Variants in DYNC2H1 observed in about 807,000 individuals in gnomAD.
DYNC2H1 encodes dynein cytoplasmic 2 heavy chain 1, also known as cytoplasmic dynein 2 heavy chain 1.
Under a neutral mutation model 570.0 loss-of-function variants are expected in DYNC2H1, and 410 were observed. The ratio of observed to expected loss-of-function variants is 0.72; its 90% confidence interval spans 0.66 to 0.78. The LOEUF (loss-of-function observed/expected upper bound fraction) is 0.78. Among genes scored for constraint, DYNC2H1 ranks in the 30% least tolerant of loss-of-function variants. The probability of loss-of-function intolerance (pLI) is 0.00; values close to 1 mark genes in which losing one functional copy is unlikely to be tolerated. For synonymous variants in DYNC2H1, 1,688 were observed against 1,677.6 expected (o/e 1.01, Z -0.15); for missense variants, 4,865 against 5,046.4 (o/e 0.96, Z 1.09).
At chr11:103,469,416 A>C (rs1455154120) in intron 88 of DYNC2H1, among the ~76,000 whole-genome samples, 4 of 152,198 alleles carry the variant, frequency 2.6e-5, no homozygotes, top group Admixed American at 6.5e-5. Flanking sequence ...ATAAACTTTA[A>C]AGTTCTGATT....
chr11:103,164,428 A>G (rs1861216877), intron 30 of DYNC2H1, among the ~76,000 whole-genome samples: 1 of 152,196 alleles, frequency 6.6e-6, no homozygotes, highest in Non-Finnish European at 1.5e-5. Context: ...TCTCAAGAGT[A>G]TTTACATAAG....
intron 70 of DYNC2H1, among the ~76,000 whole-genome samples, chr11:103,269,658 T>C (rs1865627506): frequency 6.6e-6 from 1 of 152,222 alleles, no homozygotes; most frequent in Non-Finnish European, 1.5e-5. Context: ...TCAGTTTATA[T>C]TATTAGCTAT....
At position 103,228,538 on chromosome 11, in the gene DYNC2H1, T is replaced by C. The variant is rs1390715306; in HGVS notation, c.9354-2722T>C. Among the ~76,000 whole-genome samples the C allele has an allele frequency of 6.6e-6, 1 of 152,154 alleles. No individual in the cohort carries two copies. The highest frequency in any genetic ancestry group is 1.5e-5 in the Non-Finnish European group (1 of 68,032). ...GTCTGCACAGAGTCCTGTGATGTGA[T>C]CTGTCTTCAGGTATCTTAGCTGTGG... On this transcript the variant is annotated intron_variant, in intron 59 of 88. Coordinates refer to ENST00000375735, the MANE Select transcript of DYNC2H1 (RefSeq NM_001377.3). This position sits in a 1 kb window ranked among gnomAD's most constrained non-coding sequence, Gnocchi z 6.1.
chr11:103,440,376 G>T (rs2135764649), intron 85 of DYNC2H1, among the ~76,000 whole-genome samples: 1 of 152,186 alleles, frequency 6.6e-6, no homozygotes, highest in East Asian at 1.9e-4. Flanking sequence ...TTCTGCTTCA[G>T]TTTCATGTCT....
Position 103,148,508 on chromosome 11 carries a change from A to T in DYNC2H1, c.2837A>T (p.Asp946Val). The change falls in exon 20 of 89, where the codon GAT becomes GTT. Residue 946 changes from aspartate to valine, a missense_variant. This residue lies in a region of DYNC2H1 where 1,936 missense variants were observed against 1,962.1 expected (regional missense o/e 0.99). Transcript: ENST00000375735. ...CACTCAGCTCATTTACATGAAATTGATACATTTGTTACTGAGGCTATGGAA... is the reference window on the plus strand; with the variant it reads ...CACTCAGCTCATTTACATGAAATTGTTACATTTGTTACTGAGGCTATGGAA... ...KSIQAHLHEI[D>V]TFVTEAMEVL... 2.6e-6 allele frequency: 4 copies of T among 1,561,738 alleles called. No homozygotes were observed. The highest frequency in any genetic ancestry group is 3.5e-6 in the Non-Finnish European group (4 of 1,151,588).
chr11:103,445,739 C>T (rs1944400130), intron 85 of DYNC2H1, among the ~76,000 whole-genome samples: 1 of 152,136 alleles, frequency 6.6e-6, no homozygotes, highest in Admixed American at 6.5e-5. Context: ...GCAAGCTCTG[C>T]CTCCTGGGTT....
chr11:103,280,511 T>C lies in DYNC2H1; in HGVS notation c.10761+98T>C, dbSNP rs1031436539. ...TAGAAATTATTTAGGCTAGAAATTA[T>C]ATATCAACCTATTAATCTTTTACTA... is the stretch of plus-strand genomic sequence containing the variant. On this transcript the variant is annotated intron_variant, in intron 71 of 88. Coordinates refer to ENST00000375735, the MANE Select transcript of DYNC2H1 (RefSeq NM_001377.3). This position sits in a 1 kb window ranked among gnomAD's most constrained non-coding sequence, Gnocchi z 4.7. 3 of 1,019,474 alleles carry C rather than the reference T, an allele frequency of 2.9e-6. No individual in the cohort carries two copies. Among genetic ancestry groups the C allele is most frequent in the Non-Finnish European group, 4.4e-6 (3 of 680,168 alleles). The allele number at this position is 1,019,474 out of a possible 1,614,324, so 63.2% of individuals were successfully genotyped here. A position where few individuals can be genotyped will look rare whatever the true frequency, so the allele number is the denominator to read the frequency against.
chr11:103,257,853 G>T, intron 69 of DYNC2H1, 102 bp downstream of exon 69: 1 of 1,199,744 alleles, frequency 8.3e-7, no homozygotes, highest in Non-Finnish European at 1.1e-6. Context: ...AACTTTCATA[G>T]AATTATGTTC....
chr11:103,248,651 T>G (rs1864714209), intron 65 of DYNC2H1, among the ~76,000 whole-genome samples: 1 of 152,030 alleles, frequency 6.6e-6, no homozygotes, highest in African/African-American at 2.4e-5. Flanking sequence ...CAGATAAAAT[T>G]GTGGAGCACC....
At chr11:103,457,490 TG>T (rs763626569) in intron 87 of DYNC2H1, among the ~76,000 whole-genome samples, 10 of 152,162 alleles carry the variant, frequency 6.6e-5, no homozygotes, top group Non-Finnish European at 1.2e-4. Flanking sequence ...TAGGCTAATG[TG>T]TGCATCTGTG....
chr11:103,414,178 TAAAAAGTCAG>T (rs1175226344), intron 84 of DYNC2H1, among the ~76,000 whole-genome samples: 1 of 152,004 alleles, frequency 6.6e-6, no homozygotes, highest in African/African-American at 2.4e-5. Context: ...GATCAGGAAA[TAAAAAGTCAG>T]AAATTACAAG....
At chr11:103,322,772 A>T (rs903176069) in intron 81 of DYNC2H1, among the ~76,000 whole-genome samples, 2 of 152,208 alleles carry the variant, frequency 1.3e-5, no homozygotes, top group Admixed American at 1.3e-4. Flanking sequence ...ACTTATGACA[A>T]TCACTGTTTA....
intron 54 of DYNC2H1, among the ~76,000 whole-genome samples, chr11:103,213,355 A>G (rs1038853088): frequency 1.3e-5 from 2 of 152,060 alleles, no homozygotes; most frequent in African/African-American, 4.8e-5. Context: ...CTTGCTTGCT[A>G]TTTTCTCTCC....
intron 87 of DYNC2H1, among the ~76,000 whole-genome samples, chr11:103,458,371 T>C (rs945464154): frequency 6.6e-6 from 1 of 152,152 alleles, no homozygotes; most frequent in Non-Finnish European, 1.5e-5. Flanking sequence ...TACACTCTCA[T>C]GTTCACACAG....
At chr11:103,349,221 C>G (rs1223576980) in intron 82 of DYNC2H1, among the ~76,000 whole-genome samples, 1 of 152,052 alleles carries the variant, frequency 6.6e-6, no homozygotes, top group African/African-American at 2.4e-5. Flanking sequence ...GATTATATGA[C>G]AGGCATATGT....
intron 84 of DYNC2H1, among the ~76,000 whole-genome samples, chr11:103,419,941 G>A (rs1943422986): frequency 1.3e-5 from 2 of 152,198 alleles, no homozygotes; most frequent in African/African-American, 4.8e-5. Flanking sequence ...GAGGAACATA[G>A]CCAACCTGAT....
At chr11:103,282,114 T>C in intron 71 of DYNC2H1, 65 bp from the exon 72 acceptor site, 5 of 1,479,084 alleles carry the variant, frequency 3.4e-6, no homozygotes, top group South Asian at 1.2e-5. Flanking sequence ...ATAAGGAAAG[T>C]TAGACAATTT....
rs144000345 is a variant in DYNC2H1, at chr11:103,185,334, C to G, written c.6633+283C>G. Among the ~76,000 whole-genome samples the G allele has an allele frequency of 1.3e-5, 2 of 151,768 alleles. No homozygotes were observed. The highest frequency in any genetic ancestry group is 2.4e-5 in the African/African-American group (1 of 41,484). Reference sequence around the variant, plus strand: ...GTTAGACATTTTTGAACCTACTTGTCTACATTAATAATTATTTCATTCATT... The same window carrying G: ...GTTAGACATTTTTGAACCTACTTGTGTACATTAATAATTATTTCATTCATT... On this transcript the variant is annotated intron_variant, in intron 41 of 88. Transcript: ENST00000375735. The surrounding 1 kb of genome is among the most constrained non-coding windows in gnomAD (Gnocchi z 4.5).
At chr11:103,117,947 G>C (rs1858501082) in intron 6 of DYNC2H1, 84 bp downstream of exon 6, 7 of 1,154,886 alleles carry the variant, frequency 6.1e-6, no homozygotes, top group Non-Finnish European at 8.2e-6. Context: ...TAATCAATAA[G>C]CACTATACAT....
Sources: allele counts gnomAD v4.1 joint callset (sites outside exome capture counted in the v4.1 genomes callset), GRCh38; gene constraint gnomAD v4.1.1; regional missense constraint gnomAD v4.1.1; non-coding constraint Gnocchi (gnomAD v3.1); transcripts MANE v1.5; gene names NCBI Gene and HGNC (gene_info 2026-07-23, HGNC 2026-07-21).